CREB5: variants seen among roughly 807,000 people sequenced by gnomAD.
CREB5 encodes cAMP responsive element binding protein 5, also known as cyclic AMP-responsive element-binding protein 5.
CREB5 carries 19 observed loss-of-function variants against 57.1 expected under a neutral mutation model. That is an observed-to-expected ratio of 0.33 (90% confidence interval 0.23 to 0.49). The LOEUF (loss-of-function observed/expected upper bound fraction) is 0.49, where lower values mean the gene tolerates loss of function less well. CREB5 is among the 20% of genes least tolerant of loss of function. CREB5 has a pLI of 0.99. For missense variants in CREB5, 579 were observed against 671.6 expected (o/e 0.86, Z 1.52); for synonymous variants, 238 against 238.3 (o/e 1.00, Z 0.01).
Position 28,769,560 on chromosome 7 carries a change from G to A in CREB5, c.703-34639G>A, listed in dbSNP as rs200333641. ...TTTAAAAAACAGAATATGTCGTAGG[G>A]CCCCAAGGTGTATGTCTTGTTGATG... On this transcript the variant is annotated intron_variant, in intron 7 of 10. Coordinates refer to ENST00000357727, the MANE Select transcript of CREB5 (RefSeq NM_182898.4). 5.9e-5 allele frequency among the ~76,000 whole-genome samples: 9 copies of A among 152,184 alleles called. No individual in the cohort carries two copies. The East Asian group carries it at 1.7e-3, about 29-fold the overall frequency.
At chr7:28,453,985 G>A (rs905632400) in intron 1 of CREB5, among the ~76,000 whole-genome samples, 11 of 91,016 alleles carry the variant, frequency 1.2e-4, no homozygotes, top group Non-Finnish European at 1.9e-4. Flanking sequence ...ATGGAGTCTC[G>A]CTCTGTCGCC....
intron 4 of CREB5, among the ~76,000 whole-genome samples, chr7:28,560,873 C>CGCGT (rs1287731637): frequency 2.3e-4 from 5 of 22,108 alleles, no homozygotes; most frequent in African/African-American, 7.0e-4. Flanking sequence ...TGCCTGCGTG[C>CGCGT]GCGTGCGTGC....
chr7:28,690,113 G>A (rs1801175303), intron 5 of CREB5, among the ~76,000 whole-genome samples: 1 of 152,124 alleles, frequency 6.6e-6, no homozygotes, highest in Non-Finnish European at 1.5e-5. Flanking sequence ...CCTGTCAGTG[G>A]AAGTCATCAA....
chr7:28,633,369 ATGTGTG>A (rs3041195), intron 5 of CREB5, among the ~76,000 whole-genome samples: 8 of 150,958 alleles, frequency 5.3e-5, no homozygotes, highest in African/African-American at 1.5e-4. Context: ...TCAATCATTC[ATGTGTG>A]TGTGTGTGTG....
intron 4 of CREB5, among the ~76,000 whole-genome samples, chr7:28,542,926 T>C (rs1794262446): frequency 6.6e-6 from 1 of 152,228 alleles, no homozygotes; most frequent in African/African-American, 2.4e-5. Flanking sequence ...GTCTCCAAGC[T>C]GCACCCTGAT....
At chr7:28,771,361 A>G (rs944361508) in intron 7 of CREB5, among the ~76,000 whole-genome samples, 1 of 152,160 alleles carries the variant, frequency 6.6e-6, no homozygotes, top group Non-Finnish European at 1.5e-5. Flanking sequence ...TCATCAAGGG[A>G]GCCACCTTAG....
At chr7:28,526,355 GA>G (rs5883147) in intron 4 of CREB5, among the ~76,000 whole-genome samples, 125,199 of 152,150 alleles carry the variant, frequency 0.82, 51,618 homozygotes, top group Admixed American at 0.86. Context: ...TTCCAGGTCA[GA>G]AAAAAATGTT....
chr7:28,330,322 G>A (rs1459556543), intron 1 of CREB5, among the ~76,000 whole-genome samples: 1 of 151,560 alleles, frequency 6.6e-6, no homozygotes, highest in Non-Finnish European at 1.5e-5. Flanking sequence ...ATTGAGAGGA[G>A]GGTTAAACTC....
At chr7:28,309,056 C>T (rs781596732) in intron 1 of CREB5, among the ~76,000 whole-genome samples, 18 of 152,296 alleles carry the variant, frequency 1.2e-4, no homozygotes, top group Non-Finnish European at 1.5e-4. Context: ...TGGACTCAAA[C>T]CGGAATATTA....
chr7:28,553,298 G>A (rs1389181120), intron 4 of CREB5, among the ~76,000 whole-genome samples: 1 of 152,118 alleles, frequency 6.6e-6, no homozygotes, highest in Non-Finnish European at 1.5e-5. Context: ...TAAACATGTT[G>A]CTTATGAAAG....
chr7:28,337,128 C>CAAGAATGATCCAAGTGCTGAGGAG (rs2127988025), intron 1 of CREB5, among the ~76,000 whole-genome samples: 1 of 152,120 alleles, frequency 6.6e-6, no homozygotes, highest in South Asian at 2.1e-4. Flanking sequence ...GGTCTAGCCT[C>CAAGAATGATCCAAGTGCTGAGGAG]AAGAATGATC....
intron 3 of CREB5, among the ~76,000 whole-genome samples, chr7:28,503,651 C>T (rs1256992981): frequency 6.6e-6 from 1 of 152,170 alleles, no homozygotes; most frequent in Admixed American, 6.5e-5. Flanking sequence ...TGAATTCAGG[C>T]TGGCATGTGA....
intron 1 of CREB5, among the ~76,000 whole-genome samples, chr7:28,340,070 A>T (rs1785904471): frequency 6.6e-6 from 1 of 152,124 alleles, no homozygotes; most frequent in Non-Finnish European, 1.5e-5. Flanking sequence ...TTCCAGAAAT[A>T]CTATCCAAGA....
chr7:28,672,188 A>AACACACAC (rs1554283304), intron 5 of CREB5, among the ~76,000 whole-genome samples: 4 of 146,994 alleles, frequency 2.7e-5, no homozygotes, highest in East Asian at 2.1e-4. Context: ...AAAAAAAAAA[A>AACACACAC]ACACACACAC....
chr7:28,402,900 G>A (rs536883448), intron 1 of CREB5, among the ~76,000 whole-genome samples: 2 of 152,068 alleles, frequency 1.3e-5, no homozygotes, highest in Non-Finnish European at 2.9e-5. Context: ...CTACAGCATG[G>A]GAGAAAATTT....
chr7:28,662,069 A>G (rs976748778), intron 5 of CREB5, among the ~76,000 whole-genome samples: 10 of 152,218 alleles, frequency 6.6e-5, no homozygotes, highest in Non-Finnish European at 1.3e-4. Flanking sequence ...CAAAGTGAAC[A>G]GCAGAAAAAA....
intron 9 of CREB5, among the ~76,000 whole-genome samples, chr7:28,813,634 C>T (rs1469302623): frequency 6.6e-6 from 1 of 152,182 alleles, no homozygotes; most frequent in African/African-American, 2.4e-5. Flanking sequence ...CTACTGCTTA[C>T]ACCAAAAAGC....
At chr7:28,550,063 C>CTTAG (rs771548181) in intron 4 of CREB5, among the ~76,000 whole-genome samples, 52 of 152,240 alleles carry the variant, frequency 3.4e-4, no homozygotes, top group Admixed American at 3.9e-4. Context: ...TTATGGCACT[C>CTTAG]TTAGTCTGAC....
chr7:28,577,288 G>T (rs117878755), intron 5 of CREB5, among the ~76,000 whole-genome samples: 2,106 of 152,224 alleles, frequency 0.014, 28 homozygotes, highest in Middle Eastern at 0.044. Flanking sequence ...TCTTCCAGGA[G>T]CCAAGTTTGG....
Sources: gnomAD v4.1 joint callset for allele counts (sites outside exome capture counted in the v4.1 genomes callset) on GRCh38, gnomAD v4.1.1 for gene constraint, MANE v1.5 for transcripts, NCBI Gene and HGNC (gene_info 2026-07-23, HGNC 2026-07-21) for gene names.